ZNF556: variants seen among roughly 807,000 people sequenced by gnomAD.
ZNF556 encodes the protein zinc finger protein 556.
Under a neutral mutation model 13.6 loss-of-function variants are expected in ZNF556, and 11 were observed. The observed-to-expected ratio is 0.81, with a 90% CI of 0.51 to 1.33. The LOEUF is 1.33. Ranked by LOEUF, ZNF556 falls within the 40% of genes most tolerant of loss-of-function variation. The pLI, the probability that ZNF556 is intolerant of heterozygous loss-of-function variation, is 0.00. For missense variants in ZNF556, 633 were observed against 566.2 expected, an observed-to-expected ratio of 1.12 and a Z score of -1.20; for synonymous variants, 229 against 207.8, an observed-to-expected ratio of 1.10 and a Z score of -0.88.
chr19:2,876,054 A>G, intron 2 of ZNF556, 39 bp from the exon 3 acceptor site: 1 of 1,553,598 alleles, frequency 6.4e-7, no homozygotes, highest in Non-Finnish European at 8.7e-7. Flanking sequence ...TTCTTTGCAG[A>G]TGCCTTCCTC....
At position 2,878,390 on chromosome 19, in the gene ZNF556, G is replaced by C. The variant is rs1356815907; in HGVS notation, c.*61G>C. 2.1e-5 allele frequency: 32 copies of C among 1,549,552 alleles called. No individual in the cohort carries two copies. In the East Asian group the frequency reaches 7.2e-4, roughly 35 times the overall value. On this transcript the variant is annotated 3_prime_UTR_variant, in exon 4 of 4. Coordinates refer to ENST00000307635, the MANE Select transcript of ZNF556 (RefSeq NM_024967.3). ...GGTTCAGAAAATTCACAGCAGGAGGGCCGGGCGCAGTGGCTCACGCCTGTA... is the reference window on the plus strand; with the variant it reads ...GGTTCAGAAAATTCACAGCAGGAGGCCCGGGCGCAGTGGCTCACGCCTGTA...
chr19:2,869,986 AAG>A (rs2087788997), intron 1 of ZNF556, among the ~76,000 whole-genome samples: 1 of 152,134 alleles, frequency 6.6e-6, no homozygotes, highest in East Asian at 1.9e-4. Context: ...CTGTGCCTGA[AAG>A]AGCCAAGACC....
chr19:2,877,123 T>C, intron 3 of ZNF556, 150 bp from the exon 4 acceptor site: 1 of 604,100 alleles, frequency 1.7e-6, no homozygotes, highest in South Asian at 2.3e-5. Flanking sequence ...TGAGACAGAA[T>C]TGTTTGAACC....
Position 2,867,338 on chromosome 19 carries a change from T to A in ZNF556, c.-84T>A. The A allele has an allele frequency of 6.5e-7, 1 of 1,542,564 alleles. No individual in the cohort carries two copies. Among genetic ancestry groups the A allele is most frequent in the Non-Finnish European group, 8.8e-7 (1 of 1,138,692 alleles). ...CAGAGCACACCCGGCCTGCCCTGAG[T>A]GACCACAGGTGTCCCCGTCGTGCTC... On this transcript the variant is annotated 5_prime_UTR_variant, in exon 1 of 4. Coordinates refer to ENST00000307635, the MANE Select transcript of ZNF556 (RefSeq NM_024967.3).
rs377543888 is a variant in ZNF556 at position 2,876,422 on chromosome 19, T to A, written c.314+146T>A. 23 of 782,750 alleles carry A rather than the reference T, an allele frequency of 2.9e-5. No homozygotes were observed. The African/African-American group carries it at 4.3e-4, about 15-fold the overall frequency. 48.5% of individuals were successfully genotyped at this position (782,750 alleles called of 1,614,324 possible). A position where few individuals can be genotyped will look rare whatever the true frequency, so the allele number is the denominator to read the frequency against. On this transcript the variant is annotated intron_variant, in intron 3 of 3. Transcript: ENST00000307635. ...CTGACCCATATGGTGAAACCTTGTCTCTACTAAAAATACAAAAATGGGCGC... is the reference window on the plus strand; with the variant it reads ...CTGACCCATATGGTGAAACCTTGTCACTACTAAAAATACAAAAATGGGCGC...
rs2087917112 is a variant in ZNF556 at position 2,883,069 on chromosome 19, T to TA, written c.*4741dup. 6.6e-6 allele frequency: 1 copy of TA among 152,194 alleles called. No individual in the cohort carries two copies. The highest frequency in any genetic ancestry group is 2.4e-5 in the African/African-American group (1 of 41,456). The allele number at this position is 152,194 out of a possible 1,614,324, so 9.4% of individuals were successfully genotyped here. On this transcript the variant is annotated 3_prime_UTR_variant, in exon 4 of 4. Transcript: ENST00000307635. ...AGTTCCTCACAGGGTGAGGAAGAGT[T>TA]ATGGTCATCTGCACAGTTGTAGCCC...
chr19:2,881,306 C>T lies in ZNF556; in HGVS notation c.*2977C>T, dbSNP rs2087903030. Reference sequence around the variant, plus strand: ...CTTTATTGGAGCCCAGTAGCAATGGCTCACGCCTGTAATCCCAGGACCCAC... The same window carrying T: ...CTTTATTGGAGCCCAGTAGCAATGGTTCACGCCTGTAATCCCAGGACCCAC... On this transcript the variant is annotated 3_prime_UTR_variant, in exon 4 of 4. Coordinates refer to ENST00000307635, the MANE Select transcript of ZNF556 (RefSeq NM_024967.3). The T allele has an allele frequency of 6.6e-6, 1 of 152,168 alleles. No homozygotes were observed. The highest frequency in any genetic ancestry group is 1.5e-5 in the Non-Finnish European group (1 of 68,044). The allele number at this position is 152,168 out of a possible 1,614,324, so 9.4% of individuals were successfully genotyped here. A position where few individuals can be genotyped will look rare whatever the true frequency, so the allele number is the denominator to read the frequency against.
At position 2,870,683 on chromosome 19, in the gene ZNF556, T is replaced by C. The variant is rs1283260896; in HGVS notation, c.4-2813T>C. On this transcript the variant is annotated intron_variant, in intron 1 of 3. Transcript: ENST00000307635. Reference sequence around the variant, plus strand: ...AATCGCTTGAACTCTGAAGGTGGAGTTTGCAGTGAGCCGAGATCATGCCAT... The same window carrying C: ...AATCGCTTGAACTCTGAAGGTGGAGCTTGCAGTGAGCCGAGATCATGCCAT... Among the ~76,000 whole-genome samples, 3 of 133,648 alleles carry C rather than the reference T, an allele frequency of 2.2e-5. No individual in the cohort carries two copies. The East Asian group carries it at 6.6e-4, about 30-fold the overall frequency. 87.7% of individuals were successfully genotyped at this position (133,648 alleles called of 152,430 possible). A position where few individuals can be genotyped will look rare whatever the true frequency, so the allele number is the denominator to read the frequency against.
Position 2,877,788 on chromosome 19 carries a change from A to G in ZNF556, c.830A>G (p.His277Arg). The change falls in exon 4 of 4, where the codon CAT becomes CGT. Residue 277 changes from histidine (H) to arginine (R), a missense_variant. Physicochemically the swap from His to Arg is conservative, Grantham distance 29. Transcript: ENST00000307635. ...AFRCQKSFRVHMIMHAGGRPY... is the reference protein window; with the variant it reads ...AFRCQKSFRVRMIMHAGGRPY... ...AGGTGTCAGAAATCCTTTCGAGTCC[A>G]TATGATCATGCACGCCGGAGGGAGA... is the stretch of plus-strand genomic sequence containing the variant. 3 of 1,613,656 alleles carry G rather than the reference A, an allele frequency of 1.9e-6. No homozygotes were observed. The highest frequency in any genetic ancestry group is 2.5e-6 in the Non-Finnish European group (3 of 1,179,834).
intron 3 of ZNF556, 110 bp downstream of exon 3, chr19:2,876,386 T>C: frequency 1.8e-6 from 2 of 1,131,640 alleles, no homozygotes; most frequent in South Asian, 3.4e-5. Context: ...GGTGAGGAGT[T>C]TGTGACCAGC....
intron 1 of ZNF556, among the ~76,000 whole-genome samples, chr19:2,867,731 A>C (rs529233646): frequency 4.6e-5 from 7 of 150,668 alleles, no homozygotes; most frequent in African/African-American, 1.7e-4. Flanking sequence ...AAACAAAAAA[A>C]AAAAAAACCT....
In ZNF556 at chr19:2,873,515, A is replaced by AC. The variant is rs766978684; in HGVS notation, c.24dup (p.Val9ArgfsTer37). ...TTTTAGGACACAGTGGTCTTTGAAGACGTGGTTGTGGATTTCACGCTGGAG... is the reference window on the plus strand; with the variant it reads ...TTTTAGGACACAGTGGTCTTTGAAGACCGTGGTTGTGGATTTCACGCTGGAG... On this transcript the variant is annotated frameshift_variant, in exon 2 of 4. Transcript: ENST00000307635. LOFTEE classifies it high-confidence loss of function. 6.1e-5 allele frequency: 98 copies of AC among 1,614,028 alleles called. No individual in the cohort carries two copies. Among genetic ancestry groups the AC allele is most frequent in the Non-Finnish European group, 8.0e-5 (94 of 1,180,022 alleles).
At position 2,876,187 on chromosome 19, in the gene ZNF556, A is replaced by G. The variant is rs1274079814; in HGVS notation, c.225A>G (p.Thr75=). Residue 75 remains threonine, a synonymous_variant, in exon 3 of 4, where the codon ACA becomes ACG. Transcript: ENST00000307635. Reference sequence around the variant, plus strand: ...TCAAACAGAAAATAGAAAAGTTCACAAGAAAGAATATATGGGCCTCCCTTT... The same window carrying G: ...TCAAACAGAAAATAGAAAAGTTCACGAGAAAGAATATATGGGCCTCCCTTT... ...LSLKQKIEKF[T]RKNIWASLLG... is the part of the protein sequence containing the mutation. 7 of 1,612,486 alleles carry G rather than the reference A, an allele frequency of 4.3e-6. No homozygotes were observed. The highest frequency in any genetic ancestry group is 5.1e-6 in the Non-Finnish European group (6 of 1,179,576).
rs780588695 is a variant in ZNF556 at position 2,877,862 on chromosome 19, T to C, written c.904T>C (p.Phe302Leu). 5.0e-6 allele frequency: 8 copies of C among 1,614,210 alleles called. No homozygotes were observed. The highest frequency in any genetic ancestry group is 5.9e-6 in the Non-Finnish European group (7 of 1,180,044). ...GAAAGCCTACTGCTGGGCAACATCCTTTCAACGACACGTGAGAATTCACAA... is the reference window on the plus strand; with the variant it reads ...GAAAGCCTACTGCTGGGCAACATCCCTTCAACGACACGTGAGAATTCACAA... ...CGKAYCWATSFQRHVRIHNGE... is the reference protein window; with the variant it reads ...CGKAYCWATSLQRHVRIHNGE... The change falls in exon 4 of 4, where the codon TTT (phenylalanine) becomes CTT (leucine). Residue 302 changes from phenylalanine to leucine, a missense_variant. Transcript: ENST00000307635.
intron 2 of ZNF556, among the ~76,000 whole-genome samples, chr19:2,874,616 C>T (rs2087833970): frequency 6.6e-6 from 1 of 151,254 alleles, no homozygotes; most frequent in Non-Finnish European, 1.5e-5. Flanking sequence ...TGGCGGAGGG[C>T]ACCTTTAGTC....
chr19:2,877,240 A>T, intron 3 of ZNF556, 33 bp from the exon 4 acceptor site: 1 of 1,524,052 alleles, frequency 6.6e-7, no homozygotes, highest in Non-Finnish European at 8.9e-7. Flanking sequence ...TTATTAAGGC[A>T]TAAACCATTA....
chr19:2,883,274 A>T lies in ZNF556; in HGVS notation c.*4945A>T, dbSNP rs1257219496. The T allele has an allele frequency of 1.3e-5, 2 of 152,128 alleles. No individual in the cohort carries two copies. Among genetic ancestry groups the T allele is most frequent in the Admixed American group, 6.6e-5 (1 of 15,262 alleles). 9.4% of individuals were successfully genotyped at this position (152,128 alleles called of 1,614,324 possible). On this transcript the variant is annotated 3_prime_UTR_variant, in exon 4 of 4. Transcript: ENST00000307635. ...ATTTGTCATCCTTTAATTAATTTTT[A>T]TTTTTTTAATTAAAAAATAATTTTT...
chr19:2,876,469 C>T (rs2087853265), intron 3 of ZNF556, among the ~76,000 whole-genome samples, 193 bp downstream of exon 3: 1 of 151,482 alleles, frequency 6.6e-6, no homozygotes, highest in Admixed American at 6.6e-5. Flanking sequence ...CCTGTAATCC[C>T]AGCACTTTGG....
rs766918321 is a variant in ZNF556, at chr19:2,878,339, A to T, written c.*10A>T. ...CTGTACATCTAAGTAATGGGGGAAA[A>T]CCTGTGCAAATTAATTCACATACAT... On this transcript the variant is annotated 3_prime_UTR_variant, in exon 4 of 4. Coordinates refer to ENST00000307635, the MANE Select transcript of ZNF556 (RefSeq NM_024967.3). The T allele has an allele frequency of 4.4e-6, 7 of 1,608,358 alleles. No individual in the cohort carries two copies. The highest frequency in any genetic ancestry group is 5.9e-6 in the Non-Finnish European group (7 of 1,177,276).
Sources: gnomAD v4.1 joint callset for allele counts (sites outside exome capture counted in the v4.1 genomes callset) on GRCh38, gnomAD v4.1.1 for gene constraint, MANE v1.5 for transcripts, NCBI Gene and HGNC (gene_info 2026-07-23, HGNC 2026-07-21) for gene names.